PTPRG: variants seen among roughly 807,000 people sequenced by gnomAD.
The protein encoded by PTPRG is protein tyrosine phosphatase receptor type G.
In PTPRG, 102 loss-of-function variants were observed where a neutral mutation model predicts 165.3. The observed-to-expected ratio is 0.62, with a 90% CI of 0.53 to 0.73. PTPRG has a LOEUF of 0.73. PTPRG is among the 30% of genes least tolerant of loss of function. The probability of loss-of-function intolerance (pLI) is 0.00; values close to 1 mark genes in which losing one functional copy is unlikely to be tolerated. For synonymous variants in PTPRG, 675 were observed against 669.5 expected, an observed-to-expected ratio of 1.01 and a Z score of -0.13; for missense variants, 1,866 against 1,861.4, an observed-to-expected ratio of 1.00 and a Z score of -0.05.
At chr3:61,718,222 A>AAAC (rs1223045051) in intron 1 of PTPRG, among the ~76,000 whole-genome samples, 2 of 151,824 alleles carry the variant, frequency 1.3e-5, no homozygotes, top group Non-Finnish European at 2.9e-5. Flanking sequence ...CCAAAAAAAA[A>AAAC]AAAAAAACGC....
chr3:62,089,546 G>T (rs1701862086), intron 5 of PTPRG, among the ~76,000 whole-genome samples: 1 of 152,190 alleles, frequency 6.6e-6, no homozygotes. Flanking sequence ...GAATCTCAAT[G>T]TGATATAGTA....
intron 2 of PTPRG, among the ~76,000 whole-genome samples, chr3:61,878,488 G>A (rs2037802532): frequency 6.6e-6 from 1 of 151,920 alleles, no homozygotes; most frequent in African/African-American, 2.4e-5. Context: ...GTTGTTTTTG[G>A]TTTGTTTTTG....
In PTPRG at chr3:61,870,476, CTTTTTTTTTTTT is replaced by C. The variant is rs869118813; in HGVS notation, c.191-119134_191-119123del. 4.6e-3 allele frequency among the ~76,000 whole-genome samples: 82 copies of C among 17,976 alleles called. 3 individuals are homozygous for C. Among genetic ancestry groups the C allele is most frequent in the Admixed American group, 8.3e-3 (11 of 1,328 alleles). The allele number at this position is 17,976 out of a possible 152,430, so 11.8% of individuals were successfully genotyped here. On this transcript the variant is annotated intron_variant, in intron 2 of 29. Coordinates refer to ENST00000474889, the MANE Select transcript of PTPRG (RefSeq NM_002841.4). ...TACAGGCATGAACTACCACACCTAG[CTTTTTTTTTTTT>C]TTTTTTTTTTTTTTGTATTTTTAGT...
intron 1 of PTPRG, among the ~76,000 whole-genome samples, chr3:61,637,915 T>C (rs1701959872): frequency 7.5e-6 from 1 of 132,970 alleles, no homozygotes; most frequent in Non-Finnish European, 1.7e-5. Flanking sequence ...TGTGAATTAT[T>C]ATTTATTCAG....
intron 2 of PTPRG, among the ~76,000 whole-genome samples, chr3:61,910,906 G>T (rs2038786645): frequency 6.6e-6 from 1 of 152,174 alleles, no homozygotes; most frequent in South Asian, 2.1e-4. Flanking sequence ...CACCTCCCAT[G>T]ATTCAATTCT....
At chr3:62,084,961 T>C (rs1224620316) in intron 5 of PTPRG, among the ~76,000 whole-genome samples, 1 of 152,186 alleles carries the variant, frequency 6.6e-6, no homozygotes, top group Non-Finnish European at 1.5e-5. Flanking sequence ...TTGTCTAGAT[T>C]GGAAAGGGAC....
intron 2 of PTPRG, among the ~76,000 whole-genome samples, chr3:61,955,304 G>C (rs72885838): frequency 5.3e-5 from 8 of 151,746 alleles, no homozygotes; most frequent in Non-Finnish European, 8.8e-5. Flanking sequence ...TTTCTCTTAC[G>C]CGAAGTAAAT....
intron 2 of PTPRG, among the ~76,000 whole-genome samples, chr3:61,964,384 G>A (rs1204746931): frequency 6.6e-6 from 1 of 152,118 alleles, no homozygotes; most frequent in Non-Finnish European, 1.5e-5. Context: ...TATGGACTGG[G>A]GGACTTTCTC....
At chr3:61,663,617 A>G (rs769319371) in intron 1 of PTPRG, among the ~76,000 whole-genome samples, 3 of 151,984 alleles carry the variant, frequency 2.0e-5, no homozygotes, top group African/African-American at 4.8e-5. Flanking sequence ...CTATATTTCT[A>G]TTATTACTAT....
chr3:62,168,295 C>A, intron 8 of PTPRG, 132 bp downstream of exon 8: 1 of 864,038 alleles, frequency 1.2e-6, no homozygotes, highest in Non-Finnish European at 1.7e-6. Context: ...CTAAAGGGAG[C>A]CTGTCTGGCT....
chr3:61,617,937 G>T (rs57484041), intron 1 of PTPRG, among the ~76,000 whole-genome samples: 1 of 152,198 alleles, frequency 6.6e-6, no homozygotes, highest in South Asian at 2.1e-4. Context: ...ACGTCTGATA[G>T]TGCTGCAGAC....
chr3:62,039,496 A>C (rs957547523), intron 4 of PTPRG, among the ~76,000 whole-genome samples: 11 of 152,146 alleles, frequency 7.2e-5, no homozygotes, highest in Non-Finnish European at 4.4e-5. Flanking sequence ...TTTTCCAAAT[A>C]TTGTGATGGG....
At chr3:61,572,265 A>G (rs868632546) in intron 1 of PTPRG, among the ~76,000 whole-genome samples, 8 of 152,354 alleles carry the variant, frequency 5.3e-5, no homozygotes, top group Middle Eastern at 3.4e-3. Context: ...TTTTTTAAAC[A>G]TGAAACCTTA....
At chr3:62,266,497 C>T (rs1701879109) in intron 17 of PTPRG, among the ~76,000 whole-genome samples, 1 of 151,852 alleles carries the variant, frequency 6.6e-6, no homozygotes, top group Non-Finnish European at 1.5e-5. Context: ...GAAATTTTTC[C>T]TTTGGGGCCT....
intron 12 of PTPRG, among the ~76,000 whole-genome samples, chr3:62,216,063 TG>T (rs1294775061): frequency 2.0e-5 from 3 of 151,918 alleles, no homozygotes; most frequent in Admixed American, 2.0e-4. Context: ...ACTAAAAATA[TG>T]AAAATTGGCC....
At chr3:62,230,966 C>T (rs778223197) in intron 13 of PTPRG, among the ~76,000 whole-genome samples, 1 of 152,110 alleles carries the variant, frequency 6.6e-6, no homozygotes, top group Non-Finnish European at 1.5e-5. Flanking sequence ...CCATTAACAC[C>T]GGGGTAATAG....
intron 1 of PTPRG, among the ~76,000 whole-genome samples, chr3:61,598,861 G>A (rs1053928794): frequency 6.6e-6 from 1 of 152,038 alleles, no homozygotes; most frequent in African/African-American, 2.4e-5. Context: ...CCATACCGAC[G>A]TAATTCCTTC....
intron 2 of PTPRG, among the ~76,000 whole-genome samples, chr3:61,783,405 A>G (rs1030564077): frequency 5.3e-5 from 8 of 152,178 alleles, no homozygotes; most frequent in Admixed American, 2.6e-4. Flanking sequence ...TAAAATACTT[A>G]AAGAGTGTTC....
chr3:61,986,223 T>G (rs2040759261), intron 2 of PTPRG, among the ~76,000 whole-genome samples: 1 of 150,970 alleles, frequency 6.6e-6, no homozygotes, highest in Admixed American at 6.6e-5. Context: ...CATTTGTACC[T>G]AAAAATATGT....
Sources: gnomAD v4.1 joint callset for allele counts (sites outside exome capture counted in the v4.1 genomes callset) on GRCh38, gnomAD v4.1.1 for gene constraint, MANE v1.5 for transcripts, NCBI Gene and HGNC (gene_info 2026-07-23, HGNC 2026-07-21) for gene names.